Variants in ADD2 observed in about 807,000 individuals in gnomAD.
ADD2 encodes the protein beta-adducin.
ADD2 carries 23 observed loss-of-function variants against 83.0 expected under a neutral mutation model. The observed-to-expected ratio is 0.28, with a 90% CI of 0.20 to 0.39. The LOEUF (loss-of-function observed/expected upper bound fraction) is 0.39, where lower values mean the gene tolerates loss of function less well. Among genes scored for constraint, ADD2 ranks in the 10% least tolerant of loss-of-function variants. The pLI, the probability that ADD2 is intolerant of heterozygous loss-of-function variation, is 1.00. For synonymous variants in ADD2, 375 were observed against 375.4 expected, an observed-to-expected ratio of 1.00 and a Z score of 0.01; for missense variants, 758 against 944.9, an observed-to-expected ratio of 0.80 and a Z score of 2.59.
At chr2:70,690,228 C>T (rs1553371296) in intron 8 of ADD2, among the ~76,000 whole-genome samples, 2 of 152,134 alleles carry the variant, frequency 1.3e-5, no homozygotes, top group East Asian at 1.9e-4. Flanking sequence ...TCCTGAGTAG[C>T]TGGGACCACA....
rs11677026 is a variant in ADD2, at chr2:70,676,187, G to C, written c.1593+609C>G. On this transcript the variant is annotated intron_variant, in intron 13 of 15. Transcript: ENST00000264436. The surrounding 1 kb of genome is among the most constrained non-coding windows in gnomAD (Gnocchi z 4.8). ...CAGCAGTGATTTCAAACACATGCCA[G>C]AATTCTGAACTTCACCCCTTTTGCT... is the stretch of plus-strand genomic sequence containing the variant. The C allele has an allele frequency of 0.16, 155,751 of 985,650 alleles. 13,087 individuals carry two copies. Among genetic ancestry groups the C allele is most frequent in the Non-Finnish European group, 0.17 (142,693 of 830,092 alleles). 61.1% of individuals were successfully genotyped at this position (985,650 alleles called of 1,614,324 possible). A position where few individuals can be genotyped will look rare whatever the true frequency, so the allele number is the denominator to read the frequency against.
chr2:70,766,575 C>T (rs1387541321), intron 1 of ADD2, among the ~76,000 whole-genome samples: 2 of 152,162 alleles, frequency 1.3e-5, no homozygotes, highest in Non-Finnish European at 2.9e-5. Flanking sequence ...TCTCTTAAAA[C>T]GGAACATAAT....
chr2:70,704,501 A>G (rs781813400), intron 3 of ADD2, 42 bp from the exon 4 acceptor site: 3 of 1,609,130 alleles, frequency 1.9e-6, no homozygotes, highest in African/African-American at 2.7e-5. Flanking sequence ...ACAGCCTCTC[A>G]CACAGCTGCC....
chr2:70,734,220 G>T (rs1673414574), intron 1 of ADD2, among the ~76,000 whole-genome samples: 1 of 152,170 alleles, frequency 6.6e-6, no homozygotes, highest in African/African-American at 2.4e-5. Flanking sequence ...ACATAGAAAA[G>T]GAAAGGACAA....
intron 4 of ADD2, among the ~76,000 whole-genome samples, chr2:70,702,438 A>G (rs1671638701): frequency 6.6e-6 from 1 of 152,250 alleles, no homozygotes; most frequent in Non-Finnish European, 1.5e-5. Flanking sequence ...AAGTGCTGGG[A>G]TTACAGGCAT....
At position 70,676,953 on chromosome 2, in the gene ADD2, A is replaced by C. The variant is rs1670182085; in HGVS notation, c.1504-68T>G. On this transcript the variant is annotated intron_variant, in intron 12 of 15. Transcript: ENST00000264436. The surrounding 1 kb of genome is among the most constrained non-coding windows in gnomAD (Gnocchi z 4.8). ...GTCAGCGTGGAGTTTGGGAGGGGGC[A>C]TACGGGTGTGCCTGGGGTCTAGAAA... 1.3e-6 allele frequency: 2 copies of C among 1,572,466 alleles called. No homozygotes were observed. The highest frequency in any genetic ancestry group is 1.7e-6 in the Non-Finnish European group (2 of 1,154,998).
At chr2:70,734,969 T>A (rs1473760504) in intron 1 of ADD2, among the ~76,000 whole-genome samples, 1 of 152,164 alleles carries the variant, frequency 6.6e-6, no homozygotes, top group African/African-American at 2.4e-5. Flanking sequence ...CATGAGTGAA[T>A]CCTTATTTTA....
chr2:70,755,950 T>A (rs1674757744), intron 1 of ADD2, among the ~76,000 whole-genome samples: 1 of 151,440 alleles, frequency 6.6e-6, no homozygotes, highest in African/African-American at 2.4e-5. Context: ...CCCCAGGTAC[T>A]TGGGAGGCTG....
chr2:70,759,920 A>G (rs968000023), intron 1 of ADD2, among the ~76,000 whole-genome samples: 1 of 152,036 alleles, frequency 6.6e-6, no homozygotes, highest in African/African-American at 2.4e-5. Flanking sequence ...CCCACTGACC[A>G]TACCACAGCC....
In ADD2 at chr2:70,677,764, C is replaced by T; in HGVS notation, c.1497G>A (p.Arg499=). The part of the protein sequence containing the change: ...YTDPQEVLEM[R]NKIREQNRQD... ...ATAAACAGACCCCACTTACCTTGTT[C>T]CTCATCTCCAGTACTTCCTGGGGGT... Residue 499 remains arginine, a synonymous_variant, in exon 12 of 16, where the codon AGG becomes AGA. Coordinates refer to ENST00000264436, the MANE Select transcript of ADD2 (RefSeq NM_001617.4). 6.2e-7 allele frequency: 1 copy of T among 1,614,156 alleles called. No individual in the cohort carries two copies.
intron 10 of ADD2, among the ~76,000 whole-genome samples, chr2:70,679,471 A>G (rs1446542914): frequency 2.6e-5 from 4 of 152,132 alleles, no homozygotes; most frequent in Non-Finnish European, 4.4e-5. Flanking sequence ...ATTTCCTTCT[A>G]GGAACCCTGA....
At chr2:70,707,649 C>T (rs1240877837) in intron 2 of ADD2, among the ~76,000 whole-genome samples, 3 of 152,220 alleles carry the variant, frequency 2.0e-5, no homozygotes, top group African/African-American at 7.2e-5. Context: ...CCTTACAGAG[C>T]GTTGGCCTTC....
intron 1 of ADD2, among the ~76,000 whole-genome samples, chr2:70,723,392 A>ATTT (rs5832028): frequency 3.0e-4 from 44 of 148,288 alleles, no homozygotes; most frequent in African/African-American, 9.1e-4. Flanking sequence ...CAACAATTGA[A>ATTT]TTTTTTTTTT....
chr2:70,737,521 A>G (rs1490586691), intron 1 of ADD2, among the ~76,000 whole-genome samples: 2 of 145,480 alleles, frequency 1.4e-5, no homozygotes, highest in Non-Finnish European at 3.0e-5. Flanking sequence ...TGGGAATTGA[A>G]CAATGAGAAC....
chr2:70,754,605 C>T (rs1553383504), intron 1 of ADD2, among the ~76,000 whole-genome samples: 2 of 152,136 alleles, frequency 1.3e-5, no homozygotes, highest in African/African-American at 4.8e-5. Context: ...CCATCTTCCC[C>T]TCCACCACTC....
chr2:70,688,904 C>T (rs1553371015), intron 8 of ADD2, among the ~76,000 whole-genome samples: 1 of 152,030 alleles, frequency 6.6e-6, no homozygotes, highest in African/African-American at 2.4e-5. Context: ...CGAGACCAGC[C>T]TGGCCAACAT....
At chr2:70,704,272 C>CA in intron 4 of ADD2, 49 bp downstream of exon 4, 1 of 1,317,484 alleles carries the variant, frequency 7.6e-7, no homozygotes, top group East Asian at 2.7e-5. Context: ...TTCCCCACCC[C>CA]ACCCTCCCCT....
intron 8 of ADD2, among the ~76,000 whole-genome samples, chr2:70,690,413 G>T (rs1036814648): frequency 8.5e-5 from 13 of 152,108 alleles, no homozygotes; most frequent in African/African-American, 2.7e-4. Context: ...ACCTTTTAAT[G>T]TTCAACCACA....
chr2:70,726,252 A>G (rs1427362254), intron 1 of ADD2, among the ~76,000 whole-genome samples: 1 of 151,912 alleles, frequency 6.6e-6, no homozygotes, highest in African/African-American at 2.4e-5. Flanking sequence ...GACAAAGGAA[A>G]CCACTGGAAA....
Sources: gnomAD v4.1 joint callset for allele counts (sites outside exome capture counted in the v4.1 genomes callset) on GRCh38, gnomAD v4.1.1 for gene constraint, Gnocchi (gnomAD v3.1) non-coding constraint, MANE v1.5 for transcripts, NCBI Gene and HGNC (gene_info 2026-07-23, HGNC 2026-07-21) for gene names.